Variants in HDGFL3 observed in about 807,000 individuals in gnomAD.
HDGFL3 encodes the protein hepatoma-derived growth factor-related protein 3.
A neutral mutation model predicts 27.6 loss-of-function variants in HDGFL3; 6 were observed. The observed-to-expected ratio is 0.22, with a 90% CI of 0.12 to 0.43. The LOEUF is 0.43. HDGFL3 is among the 20% of genes least tolerant of loss of function. The pLI, the probability that HDGFL3 is intolerant of heterozygous loss-of-function variation, is 1.00. For synonymous variants in HDGFL3, 88 were observed against 88.9 expected (o/e 0.99, Z 0.05); for missense variants, 207 against 250.1 (o/e 0.83, Z 1.16).
At chr15:83,123,935 T>A (rs1662125454), downstream of HDGFL3, among the ~76,000 whole-genome samples, 1 of 151,498 alleles carries the variant, frequency 6.6e-6, no homozygotes, top group Non-Finnish European at 1.5e-5. Flanking sequence ...CAAAGCAATT[T>A]GGCAATGTTA....
chr15:83,183,544 A>G (rs1328263165), intron 1 of HDGFL3, among the ~76,000 whole-genome samples: 3 of 152,042 alleles, frequency 2.0e-5, no homozygotes, highest in African/African-American at 7.2e-5. Flanking sequence ...GCAGATCACT[A>G]GAGGTCAGGA....
intron 1 of HDGFL3, among the ~76,000 whole-genome samples, chr15:83,171,918 A>G (rs1426171935): frequency 6.6e-6 from 1 of 152,236 alleles, no homozygotes; most frequent in African/African-American, 2.4e-5. Context: ...AGAACACTGT[A>G]TGAACATGGT....
Position 83,193,971 on chromosome 15 carries a change from T to C in HDGFL3, c.84+13360A>G, listed in dbSNP as rs141707101. Reference sequence around the variant, plus strand: ...CACCACCACCACCCCACCCATGAATTCTTTCCTGGGCAAAGCCAAGAACCC... The same window carrying C: ...CACCACCACCACCCCACCCATGAATCCTTTCCTGGGCAAAGCCAAGAACCC... On this transcript the variant is annotated intron_variant, in intron 1 of 5. Transcript: ENST00000299633. 1.8e-4 allele frequency among the ~76,000 whole-genome samples: 27 copies of C among 152,180 alleles called. No individual in the cohort carries two copies. The East Asian group carries it at 5.2e-3, about 29-fold the overall frequency.
At chr15:83,125,828 GT>G (rs2151373915), downstream of HDGFL3, among the ~76,000 whole-genome samples, 1 of 152,294 alleles carries the variant, frequency 6.6e-6, no homozygotes, top group African/African-American at 2.4e-5. Flanking sequence ...GTGAGAAGCT[GT>G]TTTAAGAGTT....
At chr15:83,156,240 T>A (rs2037027442) in intron 4 of HDGFL3, among the ~76,000 whole-genome samples, 1 of 152,186 alleles carries the variant, frequency 6.6e-6, no homozygotes. Flanking sequence ...CTCTCTTCTT[T>A]GAGGTCTCAG....
chr15:83,125,113 T>C (rs2035615161), downstream of HDGFL3, among the ~76,000 whole-genome samples: 1 of 152,204 alleles, frequency 6.6e-6, no homozygotes, highest in South Asian at 2.1e-4. Context: ...GATGGCACCC[T>C]AGGACTGCAA....
At chr15:83,115,585 C>A in exon 4 of HDGFL3, 1 of 610,308 alleles carries the variant, frequency 1.6e-6, no homozygotes, top group Non-Finnish European at 3.1e-6. Flanking sequence ...GTGACTGAGC[C>A]GGCAGTGACC....
At chr15:83,157,676 C>T in intron 3 of HDGFL3, 103 bp from the exon 4 acceptor site, 7 of 1,197,194 alleles carry the variant, frequency 5.8e-6, no homozygotes, top group South Asian at 1.5e-5. Flanking sequence ...GTTCCGCTTA[C>T]TCGGAAGATT....
chr15:83,177,745 C>A (rs2037331201), intron 1 of HDGFL3, among the ~76,000 whole-genome samples: 1 of 152,006 alleles, frequency 6.6e-6, no homozygotes, highest in South Asian at 2.1e-4. Context: ...TATTTTTGCA[C>A]TTTAGGAAGA....
intron 3 of HDGFL3, chr15:83,119,664 G>A: frequency 6.2e-7 from 1 of 1,614,168 alleles, no homozygotes; most frequent in African/African-American, 1.3e-5. Flanking sequence ...TGGTGATGGT[G>A]GCAGCCATAG....
chr15:83,184,976 A>G (rs2037423591), intron 1 of HDGFL3: 1 of 152,184 alleles, frequency 6.6e-6, no homozygotes, highest in African/African-American at 2.4e-5. Flanking sequence ...ATTAGGAGAT[A>G]ATTTTTAGTA....
At chr15:83,148,459 A>G (rs559673150) in intron 5 of HDGFL3, among the ~76,000 whole-genome samples, 9 of 152,154 alleles carry the variant, frequency 5.9e-5, no homozygotes, top group Non-Finnish European at 1.0e-4. Flanking sequence ...GTCTCTACTA[A>G]AAATACAAAA....
intron 5 of HDGFL3, among the ~76,000 whole-genome samples, chr15:83,149,237 G>C (rs948373474): frequency 6.6e-6 from 1 of 152,140 alleles, no homozygotes; most frequent in Non-Finnish European, 1.5e-5. Flanking sequence ...TGCAGACCAC[G>C]CACAATATGT....
chr15:83,115,206 C>CGTA, exon 4 of HDGFL3: 58 of 157,202 alleles, frequency 3.7e-4, no homozygotes, highest in South Asian at 1.3e-3. Flanking sequence ...CAACCTCCGC[C>CGTA]TCCTGGGTTC....
Position 83,157,468 on chromosome 15 carries a change from T to C in HDGFL3, c.406A>G (p.Lys136Glu). ...GDRVEEDGKGKRKNEKAGSKR... is the reference protein window; with the variant it reads ...GDRVEEDGKGERKNEKAGSKR... ...GAGCCTGCTTTTTCATTCTTTCTTT[T>C]GCCTTTTCCATCTTCTTCTACTCTA... Residue 136 changes from lysine to glutamate, a missense_variant, in exon 4 of 6, where the codon AAA (lysine) becomes GAA (glutamate). Physicochemically the swap from Lys to Glu is moderately conservative, Grantham distance 56 (BLOSUM62 1). Coordinates refer to ENST00000299633, the MANE Select transcript of HDGFL3 (RefSeq NM_016073.4). 6.2e-7 allele frequency: 1 copy of C among 1,613,422 alleles called. No homozygotes were observed. The highest frequency in any genetic ancestry group is 8.5e-7 in the Non-Finnish European group (1 of 1,179,384).
At chr15:83,143,963 A>G (rs909461533) in intron 5 of HDGFL3, among the ~76,000 whole-genome samples, 7 of 152,116 alleles carry the variant, frequency 4.6e-5, no homozygotes, top group Admixed American at 1.3e-4. Context: ...TGTTTTCCAA[A>G]TAATCTCTAG....
intron 1 of HDGFL3, among the ~76,000 whole-genome samples, chr15:83,204,952 T>A (rs902542092): frequency 6.6e-6 from 1 of 152,218 alleles, no homozygotes; most frequent in Non-Finnish European, 1.5e-5. Context: ...TCTCCATTCC[T>A]GTATGAACCA....
intron 2 of HDGFL3, among the ~76,000 whole-genome samples, chr15:83,163,336 G>A (rs904198078): frequency 6.6e-6 from 1 of 152,146 alleles, no homozygotes; most frequent in Non-Finnish European, 1.5e-5. Context: ...CCTGCAAGAT[G>A]CACATGTGCT....
At chr15:83,150,279 C>T (rs2036948031) in intron 5 of HDGFL3, among the ~76,000 whole-genome samples, 1 of 152,066 alleles carries the variant, frequency 6.6e-6, no homozygotes, top group African/African-American at 2.4e-5. Flanking sequence ...ATCAAGTGAG[C>T]CAGGTGTTCA....
Sources: allele counts gnomAD v4.1 joint callset (sites outside exome capture counted in the v4.1 genomes callset), GRCh38; gene constraint gnomAD v4.1.1; transcripts MANE v1.5; gene names NCBI Gene and HGNC (gene_info 2026-07-23, HGNC 2026-07-21).